MGRN1: variants seen among roughly 807,000 people sequenced by gnomAD.
MGRN1 encodes the protein mahogunin ring finger 1.
In MGRN1, 29 loss-of-function variants were observed where a neutral mutation model predicts 69.2. The ratio of observed to expected loss-of-function variants is 0.42; its 90% CI spans 0.31 to 0.57. The LOEUF (loss-of-function observed/expected upper bound fraction) is 0.57. Ranked by LOEUF, MGRN1 falls within the 20% of genes least tolerant of loss-of-function variation. The pLI, the probability that MGRN1 is intolerant of heterozygous loss-of-function variation, is 0.15. For synonymous variants in MGRN1, 470 were observed against 344.2 expected (o/e 1.37, Z -4.04); for missense variants, 998 against 796.2 (o/e 1.25, Z -3.05).
chr16:4,664,881 G>A, intron 6 of MGRN1, 106 bp downstream of exon 6: 2 of 1,459,812 alleles, frequency 1.4e-6, no homozygotes, highest in Non-Finnish European at 1.9e-6. Flanking sequence ...CCAGGCATAG[G>A]GCCTTGGGCT....
At chr16:4,644,688 A>G (rs1009633280) in intron 1 of MGRN1, among the ~76,000 whole-genome samples, 9 of 152,224 alleles carry the variant, frequency 5.9e-5, no homozygotes, top group African/African-American at 7.2e-5. Context: ...AATAGCATCT[A>G]TTTCCAAGTT....
intron 8 of MGRN1, among the ~76,000 whole-genome samples, chr16:4,670,757 G>A (rs375258151): frequency 6.6e-6 from 1 of 152,028 alleles, no homozygotes; most frequent in East Asian, 1.9e-4. Context: ...GTCCCTGCAG[G>A]TACCAGGGGA....
intron 15 of MGRN1, among the ~76,000 whole-genome samples, chr16:4,683,601 A>G (rs2079239736): frequency 6.6e-6 from 1 of 151,846 alleles, no homozygotes; most frequent in Non-Finnish European, 1.5e-5. Context: ...GACACAGTGT[A>G]AAAAAGGGGA....
rs2079440353 is a variant in MGRN1 at position 4,690,764 on chromosome 16, C to T, written c.*1856C>T. 1.3e-5 allele frequency: 2 copies of T among 149,588 alleles called. No individual in the cohort carries two copies. Among genetic ancestry groups the T allele is most frequent in the Non-Finnish European group, 3.0e-5 (2 of 67,198 alleles). 9.3% of individuals were successfully genotyped at this position (149,588 alleles called of 1,614,324 possible). The stretch of plus-strand genomic sequence containing the variant: ...TCTCCCCCCATGCACCTCTCCCCAA[C>T]AACACACACAGCCCCCTGCACCGCC... On this transcript the variant is annotated 3_prime_UTR_variant, in exon 17 of 17. Coordinates refer to ENST00000262370, the MANE Select transcript of MGRN1 (RefSeq NM_015246.4).
intron 4 of MGRN1, among the ~76,000 whole-genome samples, chr16:4,654,121 G>A (rs1471804440): frequency 6.6e-6 from 1 of 152,078 alleles, no homozygotes; most frequent in Non-Finnish European, 1.5e-5. Flanking sequence ...CTCTAATCAT[G>A]GCTTGGTCTT....
intron 7 of MGRN1, among the ~76,000 whole-genome samples, chr16:4,666,417 C>T (rs1236682253): frequency 6.6e-6 from 1 of 152,202 alleles, no homozygotes; most frequent in African/African-American, 2.4e-5. Context: ...CAAGCGTGAG[C>T]CACCGTACCT....
At chr16:4,665,285 G>T in intron 7 of MGRN1, 134 bp downstream of exon 7, 1 of 889,124 alleles carries the variant, frequency 1.1e-6, no homozygotes, top group South Asian at 1.6e-5. Context: ...GGGCAGGTTG[G>T]GGCGTGTCTG....
intron 13 of MGRN1, 114 bp from the exon 14 acceptor site, chr16:4,682,709 G>A (rs535590682): frequency 8.9e-6 from 11 of 1,237,042 alleles, no homozygotes; most frequent in Admixed American, 8.8e-5. Context: ...GTGTCCTTGC[G>A]TGGGTCCTGG....
chr16:4,651,841 C>A, intron 2 of MGRN1, 122 bp from the exon 3 acceptor site: 1 of 850,784 alleles, frequency 1.2e-6, no homozygotes, highest in Non-Finnish European at 2.0e-6. Context: ...CCAGTATAGC[C>A]CCTCCCATGG....
rs191437114 is a variant in MGRN1 at position 4,675,071 on chromosome 16, C to T, written c.955+1414C>T. ...CACTGTAACCTCTGCCTCCCAGGTT[C>T]AAATGATTCTTGTGACTCAGCCTCC... On this transcript the variant is annotated intron_variant, in intron 10 of 16. Coordinates refer to ENST00000262370, the MANE Select transcript of MGRN1 (RefSeq NM_015246.4). Among the ~76,000 whole-genome samples the T allele has an allele frequency of 5.0e-3, 761 of 152,282 alleles. 5 individuals carry two copies. Among genetic ancestry groups the T allele is most frequent in the Non-Finnish European group, 8.2e-3 (560 of 68,028 alleles).
intron 1 of MGRN1, among the ~76,000 whole-genome samples, chr16:4,641,941 C>A (rs1329170861): frequency 6.6e-6 from 1 of 151,840 alleles, no homozygotes; most frequent in East Asian, 1.9e-4. Context: ...AGGCGTGAGC[C>A]CCCTCGGCTG....
chr16:4,665,201 G>A (rs1476444700), intron 7 of MGRN1, 50 bp downstream of exon 7: 1 of 1,606,284 alleles, frequency 6.2e-7, no homozygotes, highest in African/African-American at 1.3e-5. Context: ...AGCTGGGCAG[G>A]GGGTGGCCTT....
chr16:4,643,403 A>AT (rs34438924), intron 1 of MGRN1, among the ~76,000 whole-genome samples: 3,368 of 109,804 alleles, frequency 0.031, 168 homozygotes, highest in Admixed American at 0.095. Flanking sequence ...GCCTTGCTTG[A>AT]TTTTTTTTTT....
rs529587172 is a variant in MGRN1, at chr16:4,680,172, C to G, written c.1131+75C>G. On this transcript the variant is annotated intron_variant, in intron 12 of 16. Coordinates refer to ENST00000262370, the MANE Select transcript of MGRN1 (RefSeq NM_015246.4). ...TAAACCCACGACAAGTAGGGGAGATCGTTTCCGCCCCAGGCTAGTGTCTGA... is the reference window on the plus strand; with the variant it reads ...TAAACCCACGACAAGTAGGGGAGATGGTTTCCGCCCCAGGCTAGTGTCTGA... The G allele has an allele frequency of 6.7e-4, 950 of 1,418,554 alleles. 13 individuals carry two copies. In the Admixed American group the frequency reaches 0.016, roughly 24 times the overall value. The allele number at this position is 1,418,554 out of a possible 1,614,324, so 87.9% of individuals were successfully genotyped here.
intron 5 of MGRN1, 173 bp from the exon 6 acceptor site, chr16:4,664,536 A>T (rs1182561698): frequency 1.1e-5 from 7 of 643,562 alleles, no homozygotes; most frequent in African/African-American, 9.1e-5. Flanking sequence ...ACACACACAT[A>T]AAAAAGGTGC....
intron 1 of MGRN1, among the ~76,000 whole-genome samples, chr16:4,641,053 C>G (rs2078145287): frequency 1.3e-5 from 2 of 152,202 alleles, no homozygotes; most frequent in South Asian, 4.1e-4. Context: ...CGTTCTTTCA[C>G]CTCCACAGCT....
intron 15 of MGRN1, 118 bp downstream of exon 15, chr16:4,683,387 C>A: frequency 8.1e-7 from 1 of 1,237,874 alleles, no homozygotes; most frequent in Non-Finnish European, 1.1e-6. Context: ...CAGGAACCCT[C>A]GGCCAAGAGG....
Position 4,690,828 on chromosome 16 carries a change from C to T in MGRN1, c.*1920C>T, listed in dbSNP as rs1435502247. The T allele has an allele frequency of 1.4e-5, 2 of 140,800 alleles. No individual in the cohort carries two copies. The highest frequency in any genetic ancestry group is 5.1e-5 in the African/African-American group (2 of 39,006). 8.7% of individuals were successfully genotyped at this position (140,800 alleles called of 1,614,324 possible). ...CACCAAGGCCCCAGCCTCTGGCCAT[C>T]AGTCCTGGTGCCAGAGCTTTGCGTG... On this transcript the variant is annotated 3_prime_UTR_variant, in exon 17 of 17. Transcript: ENST00000262370.
intron 15 of MGRN1, 30 bp from the exon 16 acceptor site, chr16:4,683,813 T>A (rs1430197646): frequency 1.2e-6 from 2 of 1,600,426 alleles, no homozygotes; most frequent in South Asian, 2.2e-5. Context: ...CCCCTGCCTG[T>A]AGGTCCCTAA....
Sources: gnomAD v4.1 joint callset for allele counts (sites outside exome capture counted in the v4.1 genomes callset) on GRCh38, gnomAD v4.1.1 for gene constraint, MANE v1.5 for transcripts, NCBI Gene and HGNC (gene_info 2026-07-23, HGNC 2026-07-21) for gene names.